CRTAM: variants seen among roughly 807,000 people sequenced by gnomAD.
The protein encoded by CRTAM is cytotoxic and regulatory T cell molecule, also known as cytotoxic and regulatory T-cell molecule.
A neutral mutation model predicts 50.0 loss-of-function variants in CRTAM; 44 were observed. The ratio of observed to expected loss-of-function variants is 0.88; its 90% CI spans 0.69 to 1.13. The LOEUF (loss-of-function observed/expected upper bound fraction) is 1.13, where lower values mean the gene tolerates loss of function less well. Among genes scored for constraint, CRTAM ranks in the 50% most tolerant of loss-of-function variants. The pLI is 0.00. For missense variants in CRTAM, 448 were observed against 457.5 expected (o/e 0.98, Z 0.19); for synonymous variants, 159 against 169.3 (o/e 0.94, Z 0.47).
chr11:122,864,640 A>G lies in CRTAM; in HGVS notation c.738A>G (p.Ser246=), dbSNP rs756251272. Residue 246 remains serine (S), a synonymous_variant, in exon 7 of 10, where the codon TCA becomes TCG. Coordinates refer to ENST00000227348, the MANE Select transcript of CRTAM (RefSeq NM_019604.4). The part of the protein sequence containing the change: ...QDPQQPTSTV[S]VTEDSSTSEI... ...TTTTATCTTCTTTCACTTTAGTCTC[A>G]GTAACGGAAGATTCTAGTACATCGG... is the stretch of plus-strand genomic sequence containing the variant. 2.2e-5 allele frequency: 35 copies of G among 1,610,310 alleles called. No homozygotes were observed. In the Middle Eastern group the frequency reaches 6.6e-4, roughly 30 times the overall value.
At chr11:122,855,650 T>A in intron 4 of CRTAM, 45 bp from the exon 5 acceptor site, 1 of 1,577,890 alleles carries the variant, frequency 6.3e-7, no homozygotes, top group Non-Finnish European at 8.7e-7. Flanking sequence ...ACCAACCTCA[T>A]CCAGTAGCAT....
intron 6 of CRTAM, 102 bp from the exon 7 acceptor site, chr11:122,864,534 G>T: frequency 1.5e-6 from 1 of 687,202 alleles, no homozygotes; most frequent in Non-Finnish European, 2.5e-6. Context: ...TTTTAAATTT[G>T]GCTTCCCAAG....
intron 1 of CRTAM, among the ~76,000 whole-genome samples, chr11:122,841,459 G>A (rs1861797731): frequency 6.7e-6 from 1 of 149,652 alleles, no homozygotes; most frequent in African/African-American, 2.5e-5. Context: ...GGAGTGCAGT[G>A]GTGTGATCTC....
At chr11:122,861,851 C>T (rs1862087977) in intron 5 of CRTAM, among the ~76,000 whole-genome samples, 1 of 152,090 alleles carries the variant, frequency 6.6e-6, no homozygotes, top group Non-Finnish European at 1.5e-5. Context: ...TAGGCTGACC[C>T]TCTGGAAACA....
chr11:122,863,232 A>G (rs1234362318), intron 6 of CRTAM, among the ~76,000 whole-genome samples: 1 of 143,416 alleles, frequency 7.0e-6, no homozygotes, highest in Non-Finnish European at 1.5e-5. Context: ...GAATTACGAA[A>G]GAAAGAAAGA....
intron 7 of CRTAM, among the ~76,000 whole-genome samples, chr11:122,865,527 T>A (rs1257363682): frequency 6.6e-6 from 1 of 151,644 alleles, no homozygotes; most frequent in Non-Finnish European, 1.5e-5. Flanking sequence ...GCTCAAGAGA[T>A]CTCCTACCTC....
intron 4 of CRTAM, among the ~76,000 whole-genome samples, chr11:122,855,250 C>T (rs61910290): frequency 1.3e-5 from 2 of 152,182 alleles, no homozygotes; most frequent in African/African-American, 4.8e-5. Flanking sequence ...GGCCTGTAAT[C>T]AACATTCTTA....
At chr11:122,852,860 T>C (rs1206679032) in intron 3 of CRTAM, among the ~76,000 whole-genome samples, 1 of 152,128 alleles carries the variant, frequency 6.6e-6, no homozygotes, top group Non-Finnish European at 1.5e-5. Context: ...TGCCAACAAG[T>C]AACACATCTA....
At chr11:122,856,754 G>A (rs1292237569) in intron 5 of CRTAM, among the ~76,000 whole-genome samples, 1 of 152,224 alleles carries the variant, frequency 6.6e-6, no homozygotes, top group Non-Finnish European at 1.5e-5. Flanking sequence ...TGGGGGCTGT[G>A]GCTGCGGTTA....
chr11:122,843,479 G>C (rs1403685402), intron 1 of CRTAM, among the ~76,000 whole-genome samples: 1 of 152,208 alleles, frequency 6.6e-6, no homozygotes, highest in Non-Finnish European at 1.5e-5. Context: ...GTCAAGGTCT[G>C]TATGTTCAGC....
intron 1 of CRTAM, among the ~76,000 whole-genome samples, chr11:122,839,405 T>G (rs1044010416): frequency 3.9e-5 from 6 of 152,242 alleles, no homozygotes. Context: ...TTGAAAATGA[T>G]AAAGCGCTGT....
chr11:122,859,180 C>T (rs964535819), intron 5 of CRTAM, among the ~76,000 whole-genome samples: 4 of 152,168 alleles, frequency 2.6e-5, no homozygotes, highest in African/African-American at 7.2e-5. Context: ...CCGATCTCAG[C>T]TCACTGCAAC....
Position 122,849,210 on chromosome 11 carries a change from A to G in CRTAM, c.47-858A>G, listed in dbSNP as rs561961408. On this transcript the variant is annotated intron_variant, in intron 1 of 9. Transcript: ENST00000227348. Reference sequence around the variant, plus strand: ...TTCTTTCTTAGAATTCTAGACACACAACTTGAAGGTACTAGATGCTCTTTT... The same window carrying G: ...TTCTTTCTTAGAATTCTAGACACACGACTTGAAGGTACTAGATGCTCTTTT... Among the ~76,000 whole-genome samples, 4 of 152,300 alleles carry G rather than the reference A, an allele frequency of 2.6e-5. No individual in the cohort carries two copies. The South Asian group carries it at 8.3e-4, about 32-fold the overall frequency.
At chr11:122,851,266 T>TA (rs11287824) in intron 2 of CRTAM, among the ~76,000 whole-genome samples, 175 of 138,682 alleles carry the variant, frequency 1.3e-3, no homozygotes, top group African/African-American at 4.3e-3. Context: ...ACTCTGTCTC[T>TA]AAAAAAAAAA....
At chr11:122,839,344 A>C (rs1229900387) in intron 1 of CRTAM, among the ~76,000 whole-genome samples, 21 of 152,232 alleles carry the variant, frequency 1.4e-4, no homozygotes, top group Admixed American at 1.3e-3. Context: ...CTTTTGATCC[A>C]CCAAACTCCC....
At chr11:122,856,181 A>G (rs186933243) in intron 5 of CRTAM, among the ~76,000 whole-genome samples, 6 of 152,360 alleles carry the variant, frequency 3.9e-5, no homozygotes, top group Admixed American at 3.3e-4. Context: ...ATCATACTGC[A>G]TCTTTGTACT....
Position 122,871,619 on chromosome 11 carries a change from A to AT in CRTAM, c.*221dup. ...TAGTTTAAAAAAGAAAAGCAAAAAA[A>AT]TAATTATGCCTGACACTACTTCAGA... On this transcript the variant is annotated 3_prime_UTR_variant, in exon 10 of 10. Transcript: ENST00000227348. The AT allele has an allele frequency of 2.9e-6, 1 of 339,404 alleles. No homozygotes were observed. 21.0% of individuals were successfully genotyped at this position (339,404 alleles called of 1,614,324 possible). A position where few individuals can be genotyped will look rare whatever the true frequency, so the allele number is the denominator to read the frequency against.
intron 4 of CRTAM, among the ~76,000 whole-genome samples, chr11:122,855,141 A>AAGAATTGTTGCTTAAATTCTTGTTGG (rs1861988669): frequency 6.6e-6 from 1 of 152,134 alleles, no homozygotes; most frequent in South Asian, 2.1e-4. Flanking sequence ...ACAGGGTTTC[A>AAGAATTGTTGCTTAAATTCTTGTTGG]CCATGTTGGC....
At chr11:122,861,412 ATATATATATTTTTTTTTTTTT>A (rs1306817126) in intron 5 of CRTAM, among the ~76,000 whole-genome samples, 30 of 24,232 alleles carry the variant, frequency 1.2e-3, no homozygotes, top group South Asian at 5.7e-3. Flanking sequence ...ATATATATAT[ATATATATATTTTTTTTTTTTT>A]TTTTTTTTTT....
Sources: allele counts gnomAD v4.1 joint callset (sites outside exome capture counted in the v4.1 genomes callset), GRCh38; gene constraint gnomAD v4.1.1; transcripts MANE v1.5; gene names NCBI Gene and HGNC (gene_info 2026-07-23, HGNC 2026-07-21).